Variants in ELAC1 observed in about 807,000 individuals in gnomAD.
ELAC1 encodes the protein elaC ribonuclease Z 1.
Under a neutral mutation model 25.8 loss-of-function variants are expected in ELAC1, and 19 were observed. The ratio of observed to expected loss-of-function variants is 0.74; its 90% CI spans 0.51 to 1.08. The LOEUF (loss-of-function observed/expected upper bound fraction) is 1.08. Ranked by LOEUF, ELAC1 falls within the 50% of genes least tolerant of loss-of-function variation. The pLI is 0.00. For missense variants in ELAC1, 403 were observed against 434.6 expected, an observed-to-expected ratio of 0.93 and a Z score of 0.65; for synonymous variants, 148 against 160.9, an observed-to-expected ratio of 0.92 and a Z score of 0.61.
At chr18:50,968,935 C>G (rs1305230697) in intron 1 of ELAC1, 1 of 152,176 alleles carries the variant, frequency 6.6e-6, no homozygotes, top group East Asian at 1.9e-4. Context: ...TAACTGAACT[C>G]CCAATTCATG....
chr18:50,986,809 G>A lies in ELAC1; in HGVS notation c.816G>A (p.Leu272=). The A allele has an allele frequency of 6.2e-7, 1 of 1,614,178 alleles. No individual in the cohort carries two copies. The highest frequency in any genetic ancestry group is 8.5e-7 in the Non-Finnish European group (1 of 1,180,030). The change falls in exon 4 of 4, where the codon TTG becomes TTA. Residue 272 remains leucine, a synonymous_variant. Transcript: ENST00000269466. ...AACTGTGCTTTGAAGCAGACCTGTTGATCCACGAAGCAACCCTGGATGATG... is the reference window on the plus strand; with the variant it reads ...AACTGTGCTTTGAAGCAGACCTGTTAATCCACGAAGCAACCCTGGATGATG... ...GVKLCFEADL[L]IHEATLDDAQ... is the part of the protein sequence containing the mutation.
rs146369537 is a variant in ELAC1 at position 50,977,159 on chromosome 18, C to T, written c.157+2598C>T. 3.9e-5 allele frequency among the ~76,000 whole-genome samples: 6 copies of T among 152,326 alleles called. No homozygotes were observed. The East Asian group carries it at 1.2e-3, about 29-fold the overall frequency. On this transcript the variant is annotated intron_variant, in intron 2 of 3. Transcript: ENST00000269466. ...CACACAGTGTAAGCTGTCAATAGAG[C>T]TGCCATTATGGGTTCTGGAGGACAG...
Position 50,984,448 on chromosome 18 carries a change from T to C in ELAC1, c.510T>C (p.Asp170=), listed in dbSNP as rs1486658885. ...AAAACTCATACCTTCTGTTTGATGA[T>C]GAACAATTTGTTGTAAAAGCATTTC... ...SEENSYLLFD[D]EQFVVKAFRL... Residue 170 remains aspartate (D), a synonymous_variant, in exon 3 of 4, where the codon GAT becomes GAC. Coordinates refer to ENST00000269466, the MANE Select transcript of ELAC1 (RefSeq NM_018696.3). The C allele has an allele frequency of 5.6e-6, 9 of 1,614,108 alleles. No individual in the cohort carries two copies. In the Middle Eastern group the frequency reaches 4.9e-4, roughly 88 times the overall value.
rs183456719 is a variant in ELAC1, at chr18:50,971,956, T to C, written c.-8-2441T>C. On this transcript the variant is annotated intron_variant, in intron 1 of 3. Coordinates refer to ENST00000269466, the MANE Select transcript of ELAC1 (RefSeq NM_018696.3). ...TATATATATATATCCTTTGCCTGTTTTTCTGTTGCACAAGTATTTTTGTAT... is the reference window on the plus strand; with the variant it reads ...TATATATATATATCCTTTGCCTGTTCTTCTGTTGCACAAGTATTTTTGTAT... 7.5e-5 allele frequency among the ~76,000 whole-genome samples: 11 copies of C among 145,756 alleles called. No individual in the cohort carries two copies. In the East Asian group the frequency reaches 2.2e-3, roughly 29 times the overall value.
intron 2 of ELAC1, among the ~76,000 whole-genome samples, chr18:50,980,311 CAAAT>C (rs768214436): frequency 6.6e-6 from 1 of 151,138 alleles, no homozygotes; most frequent in Non-Finnish European, 1.5e-5. Flanking sequence ...CCTGTCTCAA[CAAAT>C]AAATAAATAA....
chr18:50,981,843 C>CTTTTTTTCTTTTTTTTT (rs1555681434), intron 2 of ELAC1, among the ~76,000 whole-genome samples: 1 of 117,872 alleles, frequency 8.5e-6, no homozygotes, highest in African/African-American at 3.2e-5. Flanking sequence ...TGCTATAGTT[C>CTTTTTTTCTTTTTTTTT]TTTTTTTTTT....
In ELAC1 at chr18:50,971,896, A is replaced by G. The variant is rs1050386204; in HGVS notation, c.-8-2501A>G. ...TGTATATATGTATATATATGTATAT[A>G]TGTGTGTGTGTGTGTGTATATATAT... On this transcript the variant is annotated intron_variant, in intron 1 of 3. Coordinates refer to ENST00000269466, the MANE Select transcript of ELAC1 (RefSeq NM_018696.3). Among the ~76,000 whole-genome samples, 33 of 127,996 alleles carry G rather than the reference A, an allele frequency of 2.6e-4. 1 individual carries two copies. Among genetic ancestry groups the G allele is most frequent in the African/African-American group, 8.9e-4 (26 of 29,184 alleles). 84.0% of individuals were successfully genotyped at this position (127,996 alleles called of 152,430 possible). A position where few individuals can be genotyped will look rare whatever the true frequency, so the allele number is the denominator to read the frequency against.
At chr18:50,968,505 G>A (rs1416958593) in intron 1 of ELAC1, 1 of 152,358 alleles carries the variant, frequency 6.6e-6, no homozygotes, top group Admixed American at 6.5e-5. Flanking sequence ...CTGCCTGCCT[G>A]AAAACGAAGG....
At chr18:50,978,605 A>T (rs1599147090) in intron 2 of ELAC1, among the ~76,000 whole-genome samples, 1 of 152,180 alleles carries the variant, frequency 6.6e-6, no homozygotes, top group African/African-American at 2.4e-5. Context: ...CTACAGTTCA[A>T]GATGAGATTT....
chr18:50,984,590 T>G, intron 3 of ELAC1, 27 bp downstream of exon 3: 1 of 1,529,888 alleles, frequency 6.5e-7, no homozygotes, highest in Non-Finnish European at 9.0e-7. Context: ...TTTTTGTTTT[T>G]TCCCGCCTTC....
chr18:50,983,818 C>T (rs1908025621), intron 2 of ELAC1, among the ~76,000 whole-genome samples: 2 of 150,938 alleles, frequency 1.3e-5, no homozygotes, highest in African/African-American at 4.9e-5. Flanking sequence ...CACACCACTG[C>T]ACTCCAGCCT....
At chr18:50,982,893 C>T (rs1907990599) in intron 2 of ELAC1, among the ~76,000 whole-genome samples, 1 of 152,062 alleles carries the variant, frequency 6.6e-6, no homozygotes, top group South Asian at 2.1e-4. Context: ...CATCTTCTTC[C>T]ACCTCACCCA....
chr18:50,980,388 A>G (rs1907912194), intron 2 of ELAC1, among the ~76,000 whole-genome samples: 1 of 152,072 alleles, frequency 6.6e-6, no homozygotes. Flanking sequence ...AAAACCCAAA[A>G]CAAAATAAAA....
At chr18:50,971,912 G>A (rs583677) in intron 1 of ELAC1, among the ~76,000 whole-genome samples, 13,123 of 75,508 alleles carry the variant, frequency 0.17, 1,315 homozygotes, top group African/African-American at 0.37. Flanking sequence ...GTGTGTGTGT[G>A]TATATATATA....
intron 2 of ELAC1, among the ~76,000 whole-genome samples, chr18:50,982,054 C>T (rs1036383535): frequency 6.6e-6 from 1 of 152,090 alleles, no homozygotes; most frequent in Non-Finnish European, 1.5e-5. Context: ...CCAAGTTGAT[C>T]AGACTGGTCT....
At chr18:50,980,553 A>G (rs963780982) in intron 2 of ELAC1, among the ~76,000 whole-genome samples, 11 of 152,042 alleles carry the variant, frequency 7.2e-5, no homozygotes, top group Non-Finnish European at 1.3e-4. Context: ...TCACGAGGTC[A>G]GGAGTTTGAG....
chr18:50,981,843 C>CTT (rs750956755), intron 2 of ELAC1, among the ~76,000 whole-genome samples: 49 of 117,862 alleles, frequency 4.2e-4, no homozygotes, highest in African/African-American at 7.7e-4. Context: ...TGCTATAGTT[C>CTT]TTTTTTTTTT....
chr18:50,976,250 G>C (rs1907794008), intron 2 of ELAC1, among the ~76,000 whole-genome samples: 1 of 152,122 alleles, frequency 6.6e-6, no homozygotes, highest in Non-Finnish European at 1.5e-5. Flanking sequence ...TAGCATCAGG[G>C]AGACCAGTTC....
Position 50,987,162 on chromosome 18 carries a change from GT to G in ELAC1, c.*81del. ...CTATAGTCCAGTTTTTTTATTTCTT[GT>G]TTTAGTCTGAAATTATTTGGGCCCT... is the stretch of plus-strand genomic sequence containing the variant. On this transcript the variant is annotated 3_prime_UTR_variant, in exon 4 of 4. Coordinates refer to ENST00000269466, the MANE Select transcript of ELAC1 (RefSeq NM_018696.3). The G allele has an allele frequency of 9.2e-7, 1 of 1,082,544 alleles. No individual in the cohort carries two copies. The highest frequency in any genetic ancestry group is 1.3e-6 in the Non-Finnish European group (1 of 794,312). 67.1% of individuals were successfully genotyped at this position (1,082,544 alleles called of 1,614,324 possible). A position where few individuals can be genotyped will look rare whatever the true frequency, so the allele number is the denominator to read the frequency against.
Sources: gnomAD v4.1 joint callset for allele counts (sites outside exome capture counted in the v4.1 genomes callset) on GRCh38, gnomAD v4.1.1 for gene constraint, MANE v1.5 for transcripts, NCBI Gene and HGNC (gene_info 2026-07-23, HGNC 2026-07-21) for gene names.